The following BMAL1 variants were observed in gnomAD, a reference collection of about 807,000 sequenced individuals.
BMAL1 encodes the protein basic helix-loop-helix ARNT like 1.
At chr11:13,304,839 G>A in the BMAL1 span, among the ~76,000 whole-genome samples, 3 of 152,322 alleles carry the variant, frequency 2.0e-5, no homozygotes, top group South Asian at 4.1e-4. Context: ...TCTGGAATGC[G>A]AGTTGATGCT....
At chr11:13,349,588 C>T in the BMAL1 span, among the ~76,000 whole-genome samples, 1 of 152,216 alleles carries the variant, frequency 6.6e-6, no homozygotes, top group Non-Finnish European at 1.5e-5. Flanking sequence ...AACAAGTTTT[C>T]ACAATTATGA....
chr11:13,320,330 T>C, the BMAL1 span, among the ~76,000 whole-genome samples: 6 of 152,344 alleles, frequency 3.9e-5, no homozygotes, highest in African/African-American at 1.2e-4. Flanking sequence ...TAACCTCACT[T>C]TTATGAGTCT....
At chr11:13,288,620 A>G in the BMAL1 span, among the ~76,000 whole-genome samples, 505 of 151,684 alleles carry the variant, frequency 3.3e-3, 3 homozygotes, top group African/African-American at 0.011. Context: ...TTTTATTATG[A>G]TTATGATTTT....
At chr11:13,284,110 G>GTA in the BMAL1 span, among the ~76,000 whole-genome samples, 51 of 48,484 alleles carry the variant, frequency 1.1e-3, 5 homozygotes, top group South Asian at 1.9e-3. Context: ...GTGTGTGTGT[G>GTA]TATATATATG....
At chr11:13,283,824 C>G in the BMAL1 span, among the ~76,000 whole-genome samples, 2 of 152,108 alleles carry the variant, frequency 1.3e-5, no homozygotes, top group African/African-American at 4.8e-5. Context: ...GCATGGCTGT[C>G]TCTCTGGCCT....
At chr11:13,346,920 G>A in the BMAL1 span, among the ~76,000 whole-genome samples, 2 of 152,240 alleles carry the variant, frequency 1.3e-5, no homozygotes, top group Non-Finnish European at 2.9e-5. Context: ...ACCTCTGTTG[G>A]CTCAAATCCC....
At chr11:13,364,061 C>T in the BMAL1 span, among the ~76,000 whole-genome samples, 1 of 152,198 alleles carries the variant, frequency 6.6e-6, no homozygotes, top group Non-Finnish European at 1.5e-5. Context: ...CCCTTCTGTC[C>T]AGGTACCTTT....
chr11:13,295,983 T>C, the BMAL1 span, among the ~76,000 whole-genome samples: 1 of 152,134 alleles, frequency 6.6e-6, no homozygotes, highest in Non-Finnish European at 1.5e-5. Flanking sequence ...GGTGTTAGCC[T>C]TTCTGAAACT....
chr11:13,366,612 A>G, the BMAL1 span: 3 of 1,477,720 alleles, frequency 2.0e-6, no homozygotes, highest in East Asian at 2.3e-5. Context: ...TTGTTGCATA[A>G]TTGATTTTCT....
At chr11:13,380,971 T>C in the BMAL1 span, 1 of 558,386 alleles carries the variant, frequency 1.8e-6, no homozygotes, top group Non-Finnish European at 3.2e-6. Context: ...GCTTTCAAGC[T>C]GCAGAGGCAG....
At chr11:13,338,540 T>A in the BMAL1 span, among the ~76,000 whole-genome samples, 1 of 152,214 alleles carries the variant, frequency 6.6e-6, no homozygotes, top group Non-Finnish European at 1.5e-5. Context: ...GTTTTTGATA[T>A]CCTTGCCCCG....
At chr11:13,293,978 A>G in the BMAL1 span, among the ~76,000 whole-genome samples, 2 of 152,256 alleles carry the variant, frequency 1.3e-5, no homozygotes, top group Admixed American at 6.5e-5. Context: ...GTTCAAAACA[A>G]TATGTATTAA....
chr11:13,277,251 G>A, the BMAL1 span, among the ~76,000 whole-genome samples: 3 of 152,230 alleles, frequency 2.0e-5, no homozygotes, highest in Non-Finnish European at 4.4e-5. Flanking sequence ...GCTGCTTTTC[G>A]TCGGAATGCC....
At chr11:13,282,205 C>T in the BMAL1 span, among the ~76,000 whole-genome samples, 2 of 152,198 alleles carry the variant, frequency 1.3e-5, no homozygotes, top group African/African-American at 4.8e-5. Context: ...CCAGATTTCA[C>T]ATCCTAAGTA....
At chr11:13,374,015 C>A in the BMAL1 span, 1 of 1,269,468 alleles carries the variant, frequency 7.9e-7, no homozygotes, top group Non-Finnish European at 1.1e-6. Flanking sequence ...TAGGCTGTAG[C>A]AGGGTTTATC....
At chr11:13,367,926 G>A in the BMAL1 span, among the ~76,000 whole-genome samples, 252 of 152,288 alleles carry the variant, frequency 1.7e-3, 2 homozygotes, top group African/African-American at 5.7e-3. Context: ...CACATAGTAA[G>A]AACAGTATCA....
the BMAL1 span, among the ~76,000 whole-genome samples, chr11:13,290,559 ATATTATTATTATTAT>A: frequency 2.0e-5 from 3 of 149,056 alleles, no homozygotes; most frequent in African/African-American, 7.4e-5. Context: ...ACAAGTGTAT[ATATTATTATTATTAT>A]TATTATTATT....
the BMAL1 span, chr11:13,380,244 G>A: frequency 4.6e-5 from 7 of 152,304 alleles, no homozygotes; most frequent in African/African-American, 1.7e-4. Flanking sequence ...GTAAACTGCC[G>A]TTAAGAAGCT....
the BMAL1 span, among the ~76,000 whole-genome samples, chr11:13,334,043 C>T: frequency 6.6e-6 from 1 of 152,134 alleles, no homozygotes; most frequent in Non-Finnish European, 1.5e-5. Context: ...AGGCACTGTT[C>T]TAAGCTCCGT....
Sources: gnomAD v4.1 joint callset for allele counts (sites outside exome capture counted in the v4.1 genomes callset) on GRCh38, gnomAD v4.1.1 for gene constraint, MANE v1.5 for transcripts, NCBI Gene and HGNC (gene_info 2026-07-23, HGNC 2026-07-21) for gene names.